The following MAMDC4 variants were observed in gnomAD, a reference collection of about 807,000 sequenced individuals.
MAMDC4 encodes apical endosomal glycoprotein.
Under a neutral mutation model 153.3 loss-of-function variants are expected in MAMDC4, and 168 were observed. The observed-to-expected ratio is 1.10, with a 90% CI of 0.97 to 1.25. The LOEUF (loss-of-function observed/expected upper bound fraction) is 1.25, where lower values mean the gene tolerates loss of function less well. Ranked by LOEUF, MAMDC4 falls within the 50% of genes most tolerant of loss-of-function variation. The probability of loss-of-function intolerance (pLI) is 0.00; values close to 1 mark genes in which losing one functional copy is unlikely to be tolerated. For missense variants in MAMDC4, 1,701 were observed against 1,542.8 expected, an observed-to-expected ratio of 1.10 and a Z score of -1.72; for synonymous variants, 744 against 651.5, an observed-to-expected ratio of 1.14 and a Z score of -2.16.
intron 25 of MAMDC4, 120 bp downstream of exon 25, chr9:136,859,437 G>A (rs1256752143): frequency 3.3e-6 from 3 of 908,138 alleles, no homozygotes; most frequent in Non-Finnish European, 3.3e-6. Flanking sequence ...ACCCAGACAG[G>A]ACAAGAGAGC....
rs1424754873 is a variant in MAMDC4 at position 136,855,782 on chromosome 9, G to A, written c.1522G>A (p.Val508Met). Residue 508 changes from valine (V) to methionine (M), a missense_variant, in exon 13 of 27, where the codon GTG becomes ATG. Transcript: ENST00000317446. ...PEAGGWEDAS[V>M]GRLQWRRVSA... Reference sequence around the variant, plus strand: ...GGCTGGGGGCTGGGAGGACGCCAGCGTGGGGCGGCTGCAGTGGCGGCGTGT... The same window carrying A: ...GGCTGGGGGCTGGGAGGACGCCAGCATGGGGCGGCTGCAGTGGCGGCGTGT... 17 of 1,560,760 alleles carry A rather than the reference G, an allele frequency of 1.1e-5. No individual in the cohort carries two copies. The highest frequency in any genetic ancestry group is 1.3e-5 in the Non-Finnish European group (15 of 1,153,778).
intron 20 of MAMDC4, 35 bp downstream of exon 20, chr9:136,858,132 C>A: frequency 6.5e-7 from 1 of 1,535,814 alleles, no homozygotes; most frequent in Non-Finnish European, 8.8e-7. Flanking sequence ...CCCCCTCCCC[C>A]TCCCCCGAGG....
Position 136,857,365 on chromosome 9 carries a change from AGCT to A in MAMDC4, c.2110_2112del (p.Leu704del). 6.2e-7 allele frequency: 1 copy of A among 1,608,440 alleles called. No individual in the cohort carries two copies. Among genetic ancestry groups the A allele is most frequent in the Non-Finnish European group, 8.5e-7 (1 of 1,179,592 alleles). On this transcript the variant is annotated splice_acceptor_variant and coding_sequence_variant, in exon 18 of 27. Transcript: ENST00000317446. LOFTEE classifies it high-confidence loss of function. ...TGGCCAGCTGACACCCTCCACCCCC[AGCT>A]GCTGTTCGAGGGCCTCCGGGACGGA...
Position 136,855,665 on chromosome 9 carries a change from G to C in MAMDC4, c.1471+46G>C, listed in dbSNP as rs574986756. 32 of 1,566,732 alleles carry C rather than the reference G, an allele frequency of 2.0e-5. No individual in the cohort carries two copies. In the Admixed American group the frequency reaches 2.9e-4, roughly 14 times the overall value. Reference sequence around the variant, plus strand: ...GCAGACCTCCTGCTGCGGAGCCAAGGGGGTAGGCGCCGGGGCAGGCTGAGG... The same window carrying C: ...GCAGACCTCCTGCTGCGGAGCCAAGCGGGTAGGCGCCGGGGCAGGCTGAGG... On this transcript the variant is annotated intron_variant, in intron 12 of 26. Coordinates refer to ENST00000317446, the MANE Select transcript of MAMDC4 (RefSeq NM_206920.3).
In MAMDC4 at chr9:136,859,440, A is replaced by G. The variant is rs1296510402; in HGVS notation, c.3193+123A>G. The G allele has an allele frequency of 7.9e-6, 7 of 882,184 alleles. No homozygotes were observed. The East Asian group carries it at 1.1e-4, about 13-fold the overall frequency. 54.6% of individuals were successfully genotyped at this position (882,184 alleles called of 1,614,324 possible). On this transcript the variant is annotated intron_variant, in intron 25 of 26. Coordinates refer to ENST00000317446, the MANE Select transcript of MAMDC4 (RefSeq NM_206920.3). ...CGAGCATGCTGCACCCAGACAGGAC[A>G]AGAGAGCTGCCAGGCCCAGGCCCTG...
At position 136,853,894 on chromosome 9, in the gene MAMDC4, G is replaced by C; in HGVS notation, c.572G>C (p.Arg191Pro). The C allele has an allele frequency of 6.2e-7, 1 of 1,612,586 alleles. No individual in the cohort carries two copies. The highest frequency in any genetic ancestry group is 8.5e-7 in the Non-Finnish European group (1 of 1,179,796). The change falls in exon 5 of 27, where the codon CGG becomes CCG. Residue 191 changes from arginine (R) to proline (P), a missense_variant. By Grantham distance (103) the Arg-to-Pro change is moderately radical (BLOSUM62 -2). Transcript: ENST00000317446. ...QELAVTTGRI[R>P]GDFRVTFSAT... is the part of the protein sequence containing the mutation. Reference sequence around the variant, plus strand: ...TTGGCAGTGACCACAGGCCGCATCCGGGGTGACTTCCGAGTGAGCTGGGAG... The same window carrying C: ...TTGGCAGTGACCACAGGCCGCATCCCGGGTGACTTCCGAGTGAGCTGGGAG...
Position 136,858,342 on chromosome 9 carries a change from C to T in MAMDC4, c.2675-58C>T, listed in dbSNP as rs571594560. The T allele has an allele frequency of 9.5e-5, 152 of 1,600,150 alleles. 1 individual carries two copies. Among genetic ancestry groups the T allele is most frequent in the Middle Eastern group, 6.6e-4 (4 of 6,058 alleles). ...CTGCCTAGCCCTTTCCCTTCGTAGTCGTGGTGCCCAGGGCTTGGGCCGTGG... is the reference window on the plus strand; with the variant it reads ...CTGCCTAGCCCTTTCCCTTCGTAGTTGTGGTGCCCAGGGCTTGGGCCGTGG... On this transcript the variant is annotated intron_variant, in intron 21 of 26. Coordinates refer to ENST00000317446, the MANE Select transcript of MAMDC4 (RefSeq NM_206920.3).
At chr9:136,855,696 G>A (rs762950073) in intron 12 of MAMDC4, 36 bp from the exon 13 acceptor site, 3 of 1,571,468 alleles carry the variant, frequency 1.9e-6, no homozygotes, top group Non-Finnish European at 2.6e-6. Flanking sequence ...TGAGGACTCT[G>A]AGGACTCTGC....
rs1374174603 is a variant in MAMDC4, at chr9:136,852,394, G to A, written c.-23G>A. 8.1e-6 allele frequency: 13 copies of A among 1,608,018 alleles called. No homozygotes were observed. Among genetic ancestry groups the A allele is most frequent in the African/African-American group, 5.3e-5 (4 of 74,930 alleles). Reference sequence around the variant, plus strand: ...AACTTCCCAGGCACCCTGTGTGGCCGCACTGCTCCCTCTGGCCCAACCATG... The same window carrying A: ...AACTTCCCAGGCACCCTGTGTGGCCACACTGCTCCCTCTGGCCCAACCATG... On this transcript the variant is annotated 5_prime_UTR_variant, in exon 1 of 27. Coordinates refer to ENST00000317446, the MANE Select transcript of MAMDC4 (RefSeq NM_206920.3).
At position 136,855,817 on chromosome 9, in the gene MAMDC4, G is replaced by T; in HGVS notation, c.1557G>T (p.Gln519His). ...TGCAGTGGCGGCGTGTCTCAGCCCA[G>T]GAGAGCCAGGGGTCCAGTGCAGCTG... The part of the protein sequence containing the change: ...GRLQWRRVSA[Q>H]ESQGSSAAAA... Residue 519 changes from glutamine to histidine, a missense_variant, in exon 13 of 27, where the codon CAG (glutamine) becomes CAT (histidine). Physicochemically the swap from Gln to His is conservative, Grantham distance 24. Coordinates refer to ENST00000317446, the MANE Select transcript of MAMDC4 (RefSeq NM_206920.3). The T allele has an allele frequency of 6.5e-7, 1 of 1,531,854 alleles. No individual in the cohort carries two copies. Among genetic ancestry groups the T allele is most frequent in the Non-Finnish European group, 8.8e-7 (1 of 1,138,774 alleles). 94.9% of individuals were successfully genotyped at this position (1,531,854 alleles called of 1,614,324 possible).
At position 136,854,240 on chromosome 9, in the gene MAMDC4, C is replaced by T. The variant is rs759465948; in HGVS notation, c.700C>T (p.His234Tyr). 1 of 1,612,192 alleles carries T rather than the reference C, an allele frequency of 6.2e-7. No individual in the cohort carries two copies. Among genetic ancestry groups the T allele is most frequent in the Non-Finnish European group, 8.5e-7 (1 of 1,179,760 alleles). Residue 234 changes from histidine to tyrosine, a missense_variant, in exon 7 of 27, where the codon CAC (histidine) becomes TAC (tyrosine). By Grantham distance (83) the His-to-Tyr change is moderately conservative. Coordinates refer to ENST00000317446, the MANE Select transcript of MAMDC4 (RefSeq NM_206920.3). ...CCAGGCCAACTGTCCCCCGGGACAC[C>T]ACCACTGCCAGAACAAGGTCTGCGT... Reference protein sequence around the residue: ...TPQANCPPGHHHCQNKVCVEP... With the variant: ...TPQANCPPGHYHCQNKVCVEP...
chr9:136,854,157 G>A (rs771146749), intron 6 of MAMDC4, 54 bp from the exon 7 acceptor site: 16 of 1,611,286 alleles, frequency 9.9e-6, no homozygotes, highest in East Asian at 8.9e-5. Context: ...GTCTGCCCCC[G>A]AGTGCTCTCC....
At chr9:136,857,896 G>T in intron 19 of MAMDC4, 83 bp from the exon 20 acceptor site, 1 of 1,483,186 alleles carries the variant, frequency 6.7e-7, no homozygotes. Flanking sequence ...TCTTGCGCCC[G>T]CCAGGCTGGG....
In MAMDC4 at chr9:136,854,989, T is replaced by C. The variant is rs571113387; in HGVS notation, c.1076T>C (p.Phe359Ser). The change falls in exon 10 of 27, where the codon TTC becomes TCC. Residue 359 changes from phenylalanine (F) to serine (S), a missense_variant. Phe to Ser is a radical substitution (Grantham distance 155, BLOSUM62 -2). Transcript: ENST00000317446. ...SGSEAGCLQL[F>S]LQTLGPGAPR... ...TCTGAGGCTGGCTGCCTCCAGCTGT[T>C]CCTGCAGACTCTGGGGCCCGGCGCC... 149 of 1,604,288 alleles carry C rather than the reference T, an allele frequency of 9.3e-5. No individual in the cohort carries two copies. The East Asian group carries it at 1.7e-3, about 19-fold the overall frequency.
rs752761977 is a variant in MAMDC4, at chr9:136,857,723, C to G, written c.2391C>G (p.Thr797=). ...CCCGGGGCCAGACGGCCTCCCTGAC[C>G]TCCAAGGAGCACAGGCCCCTGGCCC... ...ALPRGQTASL[T]SKEHRPLAQP... Residue 797 remains threonine (T), a synonymous_variant, in exon 19 of 27, where the codon ACC becomes ACG. Transcript: ENST00000317446. 6.2e-7 allele frequency: 1 copy of G among 1,612,642 alleles called. No individual in the cohort carries two copies. Among genetic ancestry groups the G allele is most frequent in the East Asian group, 2.2e-5 (1 of 44,846 alleles).
Position 136,853,826 on chromosome 9 carries a change from C to T in MAMDC4, c.504C>T (p.Thr168=). 6.4e-7 allele frequency: 1 copy of T among 1,560,908 alleles called. No homozygotes were observed. Among genetic ancestry groups the T allele is most frequent in the Non-Finnish European group, 8.8e-7 (1 of 1,134,926 alleles). The part of the protein sequence containing the change: ...VELTHGAETL[T]LWQSTGPWGP... ...TGACCCATGGCGCAGAGACCCTGAC[C>T]CTGTGGCAGAGCACAGGGCCCTGGG... The change falls in exon 5 of 27, where the codon ACC becomes ACT. Residue 168 remains threonine, a synonymous_variant. Transcript: ENST00000317446.
At position 136,856,153 on chromosome 9, in the gene MAMDC4, C is replaced by T. The variant is rs369424163; in HGVS notation, c.1720+4C>T. The stretch of plus-strand genomic sequence containing the variant: ...TATTTACAGAGCCAGCCCCGAGGTA[C>T]CGCCACACTCCGCAAGTTCCCTGGC... On this transcript the variant is annotated splice_donor_region_variant and intron_variant, in intron 14 of 26. Transcript: ENST00000317446. 1.9e-6 allele frequency: 3 copies of T among 1,611,618 alleles called. No homozygotes were observed. The African/African-American group carries it at 4.0e-5, about 22-fold the overall frequency.
intron 12 of MAMDC4, 48 bp downstream of exon 12, chr9:136,855,667 G>A (rs534193594): frequency 2.6e-6 from 4 of 1,565,798 alleles, no homozygotes; most frequent in African/African-American, 1.3e-5. Context: ...GAGCCAAGGG[G>A]GTAGGCGCCG....
chr9:136,860,745 T>C lies in MAMDC4; in HGVS notation c.*142T>C. 1 of 836,994 alleles carries C rather than the reference T, an allele frequency of 1.2e-6. No individual in the cohort carries two copies. Among genetic ancestry groups the C allele is most frequent in the Non-Finnish European group, 1.9e-6 (1 of 528,618 alleles). 51.8% of individuals were successfully genotyped at this position (836,994 alleles called of 1,614,324 possible). ...GCTGAGGCCTGGGCGTTCCCTGCCC[T>C]GTGCTGACTCTGTTGCTCTGTGAAT... On this transcript the variant is annotated 3_prime_UTR_variant, in exon 27 of 27. Coordinates refer to ENST00000317446, the MANE Select transcript of MAMDC4 (RefSeq NM_206920.3).
Sources: gnomAD v4.1 joint callset for allele counts on GRCh38, gnomAD v4.1.1 for gene constraint, MANE v1.5 for transcripts, NCBI Gene and HGNC (gene_info 2026-07-23, HGNC 2026-07-21) for gene names.